ASIC2: variants seen among roughly 807,000 people sequenced by gnomAD.
ASIC2 encodes acid sensing ion channel subunit 2.
Under a neutral mutation model 57.3 loss-of-function variants are expected in ASIC2, and 25 were observed. The ratio of observed to expected loss-of-function variants is 0.44; its 90% CI spans 0.32 to 0.61. ASIC2 has a LOEUF of 0.61. ASIC2 is among the 20% of genes least tolerant of loss of function. ASIC2 has a pLI of 0.06. For missense variants in ASIC2, 641 were observed against 738.1 expected (o/e 0.87, Z 1.52); for synonymous variants, 319 against 307.5 (o/e 1.04, Z -0.39).
intron 1 of ASIC2, among the ~76,000 whole-genome samples, chr17:33,488,333 T>A (rs1339756036): frequency 6.6e-6 from 1 of 152,194 alleles, no homozygotes; most frequent in Non-Finnish European, 1.5e-5. Flanking sequence ...TCCCCCAGTG[T>A]TAGGAAACTC....
At chr17:33,989,374 G>A (rs1460436475) in intron 1 of ASIC2, among the ~76,000 whole-genome samples, 2 of 151,996 alleles carry the variant, frequency 1.3e-5, no homozygotes, top group East Asian at 1.9e-4. Context: ...AAAGGTGACC[G>A]AGGTGCTTAC....
intron 1 of ASIC2, among the ~76,000 whole-genome samples, chr17:33,840,634 A>C (rs759112439): frequency 7.6e-4 from 115 of 152,212 alleles, no homozygotes; most frequent in Non-Finnish European, 8.8e-4. Flanking sequence ...AAAATTGAGA[A>C]GGGGAGTTGA....
At chr17:33,878,486 C>T (rs1403605770) in intron 1 of ASIC2, among the ~76,000 whole-genome samples, 2 of 152,112 alleles carry the variant, frequency 1.3e-5, no homozygotes, top group East Asian at 1.9e-4. Context: ...CCGATTCGAT[C>T]AACTGGAAGA....
intron 1 of ASIC2, among the ~76,000 whole-genome samples, chr17:33,840,302 C>T (rs1263741633): frequency 6.6e-6 from 1 of 152,040 alleles, no homozygotes; most frequent in Non-Finnish European, 1.5e-5. Flanking sequence ...TGGGGAGTTC[C>T]CAGAATAGAG....
At chr17:34,136,397 AT>A (rs1912127667) in intron 1 of ASIC2, among the ~76,000 whole-genome samples, 3 of 152,146 alleles carry the variant, frequency 2.0e-5, no homozygotes, top group Non-Finnish European at 4.4e-5. Context: ...TTTAAGAGAC[AT>A]TTACTATCCA....
intron 1 of ASIC2, among the ~76,000 whole-genome samples, chr17:33,509,442 C>T (rs575234374): frequency 1.4e-4 from 21 of 152,174 alleles, no homozygotes; most frequent in Non-Finnish European, 2.4e-4. Context: ...GCTCATCTGC[C>T]GCAATCCCAA....
chr17:33,885,932 C>T (rs930649590), intron 1 of ASIC2, among the ~76,000 whole-genome samples: 1 of 152,182 alleles, frequency 6.6e-6, no homozygotes, highest in African/African-American at 2.4e-5. Flanking sequence ...ACTATGATTG[C>T]TTTGAGGACA....
intron 1 of ASIC2, among the ~76,000 whole-genome samples, chr17:33,681,713 C>T (rs1908007088): frequency 6.6e-6 from 1 of 152,212 alleles, no homozygotes; most frequent in Non-Finnish European, 1.5e-5. Context: ...GGCTCTAGTC[C>T]TGCCAGGTTC....
rs146976177 is a variant in ASIC2 at position 33,206,263 on chromosome 17, G to A, written c.708+85145C>T. ...CCCATTTGGTGATGAGGTCGAAGGA[G>A]CCAGCTGGCCCAGGTGTGATTACTT... On this transcript the variant is annotated intron_variant, in intron 1 of 9. Transcript: ENST00000225823. 3.6e-3 allele frequency among the ~76,000 whole-genome samples: 544 copies of A among 152,288 alleles called. 4 individuals are homozygous for A. Among genetic ancestry groups the A allele is most frequent in the African/African-American group, 0.012 (515 of 41,558 alleles).
intron 1 of ASIC2, among the ~76,000 whole-genome samples, chr17:33,651,554 A>C (rs1262210317): frequency 6.6e-6 from 1 of 152,224 alleles, no homozygotes; most frequent in African/African-American, 2.4e-5. Context: ...CTGGAATGAC[A>C]CTTCCTCTAG....
intron 1 of ASIC2, among the ~76,000 whole-genome samples, chr17:33,252,562 G>A (rs145115347): frequency 1.3e-5 from 2 of 152,186 alleles, no homozygotes; most frequent in East Asian, 1.9e-4. Context: ...CCGAGCCATA[G>A]GAAGGTGTGT....
rs35679632 is a variant in ASIC2, at chr17:33,931,984, G to A, written c.555+223994C>T. On this transcript the variant is annotated intron_variant, in intron 1 of 9. Coordinates refer to the ASIC2 transcript ENST00000359872. The stretch of plus-strand genomic sequence containing the variant: ...AGATGAGAGCCATGCTGGGTCTGTC[G>A]GGCTCAATTTATATCCTCTCTACTT... Among the ~76,000 whole-genome samples the A allele has an allele frequency of 4.6e-3, 698 of 152,240 alleles. 7 individuals carry two copies. Among genetic ancestry groups the A allele is most frequent in the African/African-American group, 0.016 (662 of 41,534 alleles).
At chr17:33,352,578 G>C (rs192973152) in intron 1 of ASIC2, among the ~76,000 whole-genome samples, 5 of 152,222 alleles carry the variant, frequency 3.3e-5, no homozygotes, top group Admixed American at 3.3e-4. Context: ...GAACTCTGTG[G>C]CTCAAAACCT....
At chr17:33,022,869 A>G (rs1168781521) in intron 6 of ASIC2, among the ~76,000 whole-genome samples, 4 of 152,246 alleles carry the variant, frequency 2.6e-5, no homozygotes, top group African/African-American at 9.6e-5. Flanking sequence ...GAGGACTTTG[A>G]GAGAAAAATA....
intron 1 of ASIC2, among the ~76,000 whole-genome samples, chr17:33,889,737 T>C (rs1914918555): frequency 6.6e-6 from 1 of 152,166 alleles, no homozygotes. Context: ...CAGCCCTCAC[T>C]CCAGTGCAGA....
chr17:33,999,168 A>G (rs944983333), intron 1 of ASIC2, among the ~76,000 whole-genome samples: 1 of 152,098 alleles, frequency 6.6e-6, no homozygotes, highest in African/African-American at 2.4e-5. Context: ...TGTCCGATAT[A>G]AGCAGAGCTA....
chr17:33,880,421 G>A (rs1432519218), intron 1 of ASIC2, among the ~76,000 whole-genome samples: 3 of 151,900 alleles, frequency 2.0e-5, no homozygotes, highest in Admixed American at 6.6e-5. Context: ...ATAATAAAGG[G>A]GATATCACCA....
At chr17:33,165,422 C>T (rs766717472) in intron 1 of ASIC2, among the ~76,000 whole-genome samples, 5 of 151,966 alleles carry the variant, frequency 3.3e-5, no homozygotes, top group East Asian at 3.9e-4. Context: ...AGTCTTGGGT[C>T]GGGTTTTCTA....
chr17:33,643,103 G>A (rs868445247), intron 1 of ASIC2, among the ~76,000 whole-genome samples: 9 of 151,948 alleles, frequency 5.9e-5, no homozygotes, highest in Middle Eastern at 3.2e-3. Context: ...GTGACCCAGC[G>A]CATTTATGCA....
Sources: gnomAD v4.1 joint callset for allele counts (sites outside exome capture counted in the v4.1 genomes callset) on GRCh38, gnomAD v4.1.1 for gene constraint, MANE v1.5 for transcripts, NCBI Gene and HGNC (gene_info 2026-07-23, HGNC 2026-07-21) for gene names.